Variants in HSP90AA1 observed in about 807,000 individuals in gnomAD.
HSP90AA1 encodes the protein heat shock protein HSP 90-alpha.
Under a neutral mutation model 73.3 loss-of-function variants are expected in HSP90AA1, and 18 were observed. That is an observed-to-expected ratio of 0.25 (90% CI 0.17 to 0.36). HSP90AA1 has a LOEUF of 0.36. HSP90AA1 is among the 10% of genes least tolerant of loss of function. The pLI is 1.00. For missense variants in HSP90AA1, 704 were observed against 874.2 expected (o/e 0.81, Z 2.45); for synonymous variants, 477 against 296.9 (o/e 1.61, Z -6.24).
chr14:102,086,361 C>A lies in HSP90AA1; in HGVS notation c.18G>T (p.Gln6His). The A allele has an allele frequency of 6.2e-7, 1 of 1,614,182 alleles. No individual in the cohort carries two copies. Among genetic ancestry groups the A allele is most frequent in the Non-Finnish European group, 8.5e-7 (1 of 1,180,034 alleles). The change falls in exon 2 of 11, where the codon CAG becomes CAT. Residue 6 changes from glutamine to histidine, a missense_variant. Gln to His is a conservative substitution (Grantham distance 24, BLOSUM62 0). Coordinates refer to ENST00000216281, the MANE Select transcript of HSP90AA1 (RefSeq NM_005348.4). ...CCTCCTCCATCGGTTGGTCTTGGGT[C>A]TGGGTTTCCTCAGGCATCTGGAACG... The part of the protein sequence containing the change: MPEET[Q>H]TQDQPMEEEE...
chr14:102,083,704 G>A lies in HSP90AA1; in HGVS notation c.1339-11C>T, dbSNP rs1477081555. ...TTCGTGTATTCCAAGCTGAAACAAA[G>A]TATGTTCTTTACAAAGACTTTCTGA... On this transcript the variant is annotated splice_polypyrimidine_tract_variant and intron_variant, in intron 7 of 10. Transcript: ENST00000216281. 25 of 1,391,948 alleles carry A rather than the reference G, an allele frequency of 1.8e-5. No homozygotes were observed. The highest frequency in any genetic ancestry group is 4.7e-5 in the East Asian group (2 of 42,214). The allele number at this position is 1,391,948 out of a possible 1,614,324, so 86.2% of individuals were successfully genotyped here.
chr14:102,094,732 G>A (rs2049402396), intron 2 of HSP90AA1, among the ~76,000 whole-genome samples: 1 of 152,226 alleles, frequency 6.6e-6, no homozygotes, highest in Non-Finnish European at 1.5e-5. Context: ...TTGGCCACTG[G>A]AGCTGAAGTC....
chr14:102,083,718 A>T (rs745788359), intron 7 of HSP90AA1, 25 bp from the exon 8 acceptor site: 21 of 1,603,694 alleles, frequency 1.3e-5, no homozygotes, highest in Non-Finnish European at 1.8e-5. Flanking sequence ...GTTCTTTACA[A>T]AGACTTTCTG....
intron 1 of HSP90AA1, among the ~76,000 whole-genome samples, chr14:102,130,593 T>C (rs1268458007): frequency 6.6e-6 from 1 of 152,206 alleles, no homozygotes. Flanking sequence ...TTTGCAGAAA[T>C]GTCTATTCAG....
intron 1 of HSP90AA1, among the ~76,000 whole-genome samples, chr14:102,131,793 A>ATGATGTAC (rs1482837482): frequency 5.3e-5 from 8 of 152,190 alleles, no homozygotes; most frequent in African/African-American, 1.9e-4. Flanking sequence ...TGATCACTAC[A>ATGATGTAC]TGATGTACTT....
At chr14:102,086,454 A>G (rs1291916941) in intron 1 of HSP90AA1, 76 bp from the exon 2 acceptor site, 8 of 1,504,666 alleles carry the variant, frequency 5.3e-6, no homozygotes, top group Non-Finnish European at 5.6e-6. Flanking sequence ...CGCGTTCTCC[A>G]AATATTTTTA....
intron 1 of HSP90AA1, among the ~76,000 whole-genome samples, chr14:102,112,849 G>T (rs1278352434): frequency 6.6e-6 from 1 of 151,972 alleles, no homozygotes; most frequent in East Asian, 1.9e-4. Flanking sequence ...ATATTCAAGA[G>T]GTTTTTTATT....
intron 1 of HSP90AA1, among the ~76,000 whole-genome samples, chr14:102,108,666 G>T (rs979484495): frequency 1.3e-5 from 2 of 150,908 alleles, no homozygotes; most frequent in African/African-American, 4.9e-5. Context: ...CTCTGGAGTT[G>T]CTGGGATTAC....
intron 1 of HSP90AA1, among the ~76,000 whole-genome samples, chr14:102,125,589 C>T (rs75636299): frequency 5.9e-5 from 9 of 152,208 alleles, no homozygotes; most frequent in East Asian, 5.8e-4. Flanking sequence ...GAATCTCCCC[C>T]GCTCAGAAAG....
intron 1 of HSP90AA1, among the ~76,000 whole-genome samples, chr14:102,113,439 G>C (rs924880658): frequency 6.6e-6 from 1 of 151,464 alleles, no homozygotes; most frequent in Non-Finnish European, 1.5e-5. Context: ...AGAGTGCAAT[G>C]TTGTGATCTT....
chr14:102,082,687 C>G, intron 9 of HSP90AA1: 1 of 540,576 alleles, frequency 1.8e-6, no homozygotes, highest in South Asian at 2.0e-5. Context: ...GTGGTGCGAT[C>G]TTGGCTCACT....
At chr14:102,087,068 T>C, upstream of HSP90AA1, 2 of 984,786 alleles carry the variant, frequency 2.0e-6, no homozygotes, top group Non-Finnish European at 2.4e-6. Flanking sequence ...CGCGCCTGCC[T>C]TATATAGCGA....
At chr14:102,135,680 C>T (rs2049982907) in intron 1 of HSP90AA1, among the ~76,000 whole-genome samples, 1 of 152,228 alleles carries the variant, frequency 6.6e-6, no homozygotes, top group Non-Finnish European at 1.5e-5. Flanking sequence ...TAAGGCCCGG[C>T]GAGAAATCGA....
Position 102,083,314 on chromosome 14 carries a change from C to A in HSP90AA1, c.1487-12G>T, listed in dbSNP as rs773584898. On this transcript the variant is annotated splice_polypyrimidine_tract_variant and intron_variant, in intron 8 of 10. Coordinates refer to ENST00000216281, the MANE Select transcript of HSP90AA1 (RefSeq NM_005348.4). ...GTCCTTGGTCTCACCTGAGGTATTA[C>A]AAAGTTACTTTTAGACCTTTTAACA... The A allele has an allele frequency of 6.8e-6, 11 of 1,613,926 alleles. No individual in the cohort carries two copies. The highest frequency in any genetic ancestry group is 9.3e-6 in the Non-Finnish European group (11 of 1,179,912).
intron 1 of HSP90AA1, among the ~76,000 whole-genome samples, chr14:102,129,685 A>G (rs1212247576): frequency 6.6e-6 from 1 of 151,736 alleles, no homozygotes; most frequent in Non-Finnish European, 1.5e-5. Flanking sequence ...GTATTTTTTT[A>G]GTAGAGACGA....
At chr14:102,082,782 GTTTA>G (rs950053065) in intron 9 of HSP90AA1, 16 of 515,114 alleles carry the variant, frequency 3.1e-5, no homozygotes, top group Middle Eastern at 5.5e-4. Context: ...ACCACGCCTG[GTTTA>G]TTTTTTTCTA....
At chr14:102,138,125 C>G (rs1888928981) in intron 1 of HSP90AA1, among the ~76,000 whole-genome samples, 1 of 151,716 alleles carries the variant, frequency 6.6e-6, no homozygotes, top group Admixed American at 6.6e-5. Flanking sequence ...TGATAGAATG[C>G]TTGAATTATA....
At chr14:102,089,566 T>C (rs1197184342), upstream of HSP90AA1, among the ~76,000 whole-genome samples, 3 of 152,142 alleles carry the variant, frequency 2.0e-5, no homozygotes. Context: ...CACGGAGCTC[T>C]TGGAGGTGGG....
At chr14:102,103,759 G>A (rs954409220) in intron 1 of HSP90AA1, among the ~76,000 whole-genome samples, 10 of 150,178 alleles carry the variant, frequency 6.7e-5, no homozygotes, top group South Asian at 6.3e-4. Context: ...AGCCAAGATC[G>A]CACCATTGCA....
Sources: gnomAD v4.1 joint callset for allele counts (sites outside exome capture counted in the v4.1 genomes callset) on GRCh38, gnomAD v4.1.1 for gene constraint, MANE v1.5 for transcripts, NCBI Gene and HGNC (gene_info 2026-07-23, HGNC 2026-07-21) for gene names.